NPDC1: variants seen among roughly 807,000 people sequenced by gnomAD.
NPDC1 encodes neural proliferation differentiation and control protein 1.
Under a neutral mutation model 32.5 loss-of-function variants are expected in NPDC1, and 18 were observed. That is an observed-to-expected ratio of 0.55 (90% CI 0.38 to 0.82). The LOEUF (loss-of-function observed/expected upper bound fraction) is 0.82. Among genes scored for constraint, NPDC1 ranks in the 40% least tolerant of loss-of-function variants. The pLI is 0.00. For synonymous variants in NPDC1, 210 were observed against 184.7 expected, an observed-to-expected ratio of 1.14 and a Z score of -1.11; for missense variants, 468 against 406.6, an observed-to-expected ratio of 1.15 and a Z score of -1.30.
rs1234728929 is a variant in NPDC1, at chr9:137,043,363, T to C, written c.113-290A>G. The C allele has an allele frequency of 4.2e-6, 3 of 715,290 alleles. No individual in the cohort carries two copies. The African/African-American group carries it at 5.3e-5, about 13-fold the overall frequency. The allele number at this position is 715,290 out of a possible 1,614,324, so 44.3% of individuals were successfully genotyped here. ...CTGAGTCTCGCCGTCCAGGCAGTGCTGAGTTCTCCTGGGCAGGGCCGTGCA... is the reference window on the plus strand; with the variant it reads ...CTGAGTCTCGCCGTCCAGGCAGTGCCGAGTTCTCCTGGGCAGGGCCGTGCA... On this transcript the variant is annotated intron_variant, in intron 1 of 8. Coordinates refer to ENST00000371601, the MANE Select transcript of NPDC1 (RefSeq NM_015392.4).
chr9:137,045,650 G>C (rs904777239), intron 1 of NPDC1, among the ~76,000 whole-genome samples: 1 of 152,226 alleles, frequency 6.6e-6, no homozygotes, highest in Non-Finnish European at 1.5e-5. Flanking sequence ...TCTGGGAACC[G>C]GCAGAAGCCC....
At chr9:137,043,113 G>A (rs1266137939) in intron 1 of NPDC1, 40 bp from the exon 2 acceptor site, 10 of 1,602,160 alleles carry the variant, frequency 6.2e-6, no homozygotes, top group Admixed American at 5.1e-5. Flanking sequence ...TCACGGCCCC[G>A]CAGGGCTCGG....
Position 137,040,922 on chromosome 9 carries a change from T to A in NPDC1, c.448A>T (p.Thr150Ser). ...GAGGTGTGGGGCGTGGGCGTGGGGG[T>A]TCCTGGAGTGGAGGGGAGGCCCAGC... ...LELGLPSTPG[T>S]PTPTPHTSLG... The change falls in exon 4 of 9, where the codon ACC becomes TCC. Residue 150 changes from threonine to serine, a missense_variant. Coordinates refer to ENST00000371601, the MANE Select transcript of NPDC1 (RefSeq NM_015392.4). 2.6e-6 allele frequency: 4 copies of A among 1,565,550 alleles called. No homozygotes were observed. Among genetic ancestry groups the A allele is most frequent in the Non-Finnish European group, 3.5e-6 (4 of 1,158,912 alleles).
chr9:137,042,290 G>T (rs959383346), intron 2 of NPDC1, among the ~76,000 whole-genome samples: 53 of 151,980 alleles, frequency 3.5e-4, no homozygotes, highest in Non-Finnish European at 4.7e-4. Context: ...GTCTCGCTCT[G>T]CCGCCCAGGC....
intron 2 of NPDC1, 111 bp from the exon 3 acceptor site, chr9:137,041,298 C>G: frequency 1.7e-6 from 2 of 1,166,412 alleles, no homozygotes; most frequent in African/African-American, 1.6e-5. Flanking sequence ...ACTGGGTACA[C>G]GCCTGGAGGC....
intron 1 of NPDC1, among the ~76,000 whole-genome samples, chr9:137,045,460 G>A (rs1832115908): frequency 6.6e-6 from 1 of 152,232 alleles, no homozygotes; most frequent in Admixed American, 6.5e-5. Context: ...GACGCGCACC[G>A]GCAGCGAAGC....
intron 3 of NPDC1, 28 bp from the exon 4 acceptor site, chr9:137,041,012 A>C (rs748291261): frequency 1.3e-6 from 2 of 1,523,778 alleles, no homozygotes; most frequent in Non-Finnish European, 1.8e-6. Context: ...TTAGAATGAG[A>C]GCACTGGGCT....
Position 137,041,065 on chromosome 9 carries a change from G to A in NPDC1, c.382C>T (p.Pro128Ser). The A allele has an allele frequency of 6.6e-7, 1 of 1,521,340 alleles. No individual in the cohort carries two copies. The allele number at this position is 1,521,340 out of a possible 1,614,324, so 94.2% of individuals were successfully genotyped here. The change falls in exon 3 of 9, where the codon CCT becomes TCT. Residue 128 changes from proline (P) to serine (S), a missense_variant. Transcript: ENST00000371601. ...GCAGGGGAAGCGGGGGTCTCACCAG[G>A]CTCCGGGAGCCGCTGTCGGTCCTTG... ...LPKDRQRLPE[P>S]ATLGFSARGQ... is the part of the protein sequence containing the mutation.
At position 137,045,939 on chromosome 9, in the gene NPDC1, C is replaced by G. The variant is rs994213992; in HGVS notation, c.51G>C (p.Arg17=). 3.7e-5 allele frequency: 44 copies of G among 1,186,360 alleles called. No individual in the cohort carries two copies. The African/African-American group carries it at 6.4e-4, about 17-fold the overall frequency. 73.5% of individuals were successfully genotyped at this position (1,186,360 alleles called of 1,614,324 possible). A position where few individuals can be genotyped will look rare whatever the true frequency, so the allele number is the denominator to read the frequency against. The change falls in exon 1 of 9, where the codon CGG becomes CGC. Residue 17 remains arginine, a synonymous_variant. Transcript: ENST00000371601. ...CGAGGACGAGGCCGGAGAGCAGCAG[C>G]CGCAGCAGCCGCAGGTGCCGCGGGG... ...PPSPRHLRLL[R]LLLSGLVLGA... is the part of the protein sequence containing the mutation.
At position 137,042,995 on chromosome 9, in the gene NPDC1, C is replaced by T; in HGVS notation, c.191G>A (p.Gly64Glu). The change falls in exon 2 of 9, where the codon GGG (glycine) becomes GAG (glutamate). Residue 64 changes from glycine to glutamate, a missense_variant. By Grantham distance (98) the Gly-to-Glu change is moderately conservative (BLOSUM62 -2). Transcript: ENST00000371601. ...CTCCTGGAAGGGCTGAAGGCAGGGC[C>T]CACAGGCATGTGCACCAGGAGGACA... ...ARCPPGAHACGPCLQPFQEDQ... is the reference protein window; with the variant it reads ...ARCPPGAHACEPCLQPFQEDQ... 1 of 1,612,860 alleles carries T rather than the reference C, an allele frequency of 6.2e-7. No individual in the cohort carries two copies. Among genetic ancestry groups the T allele is most frequent in the African/African-American group, 1.3e-5 (1 of 75,034 alleles).
chr9:137,040,622 C>T (rs1260164492), intron 5 of NPDC1, 24 bp from the exon 6 acceptor site: 2 of 1,563,292 alleles, frequency 1.3e-6, no homozygotes, highest in Non-Finnish European at 1.7e-6. Flanking sequence ...GGCCTGAGAC[C>T]TCTGAGCGTG....
At chr9:137,041,615 G>A (rs558784924) in intron 2 of NPDC1, among the ~76,000 whole-genome samples, 5 of 152,296 alleles carry the variant, frequency 3.3e-5, no homozygotes, top group African/African-American at 7.2e-5. Flanking sequence ...GGGAGAACGG[G>A]GGCAGCTGTC....
At position 137,042,881 on chromosome 9, in the gene NPDC1, T is replaced by A. The variant is rs767528726; in HGVS notation, c.259+46A>T. 3.9e-6 allele frequency: 6 copies of A among 1,551,704 alleles called. No individual in the cohort carries two copies. In the Admixed American group the frequency reaches 9.8e-5, roughly 25 times the overall value. ...CCGGCCGCTTCTTACAGGGAGAGGT[T>A]CATGCAGGGACATCCCCCCATCGAC... is the stretch of plus-strand genomic sequence containing the variant. On this transcript the variant is annotated intron_variant, in intron 2 of 8. Transcript: ENST00000371601.
intron 1 of NPDC1, chr9:137,043,554 T>C: frequency 1.7e-6 from 1 of 595,468 alleles, no homozygotes; most frequent in East Asian, 2.8e-5. Flanking sequence ...AACCCGGCAC[T>C]GACAAGTGTG....
rs763345129 is a variant in NPDC1 at position 137,039,523 on chromosome 9, C to T, written c.*249G>A. The stretch of plus-strand genomic sequence containing the variant: ...CTCTAGAATTACCCACCCGTTCCTG[C>T]GCTCTACGGTTCTCCATGCCCCCTC... On this transcript the variant is annotated 3_prime_UTR_variant, in exon 9 of 9. Coordinates refer to ENST00000371601, the MANE Select transcript of NPDC1 (RefSeq NM_015392.4). 51 of 476,850 alleles carry T rather than the reference C, an allele frequency of 1.1e-4. No homozygotes were observed. The highest frequency in any genetic ancestry group is 3.2e-4 in the African/African-American group (16 of 50,062). The allele number at this position is 476,850 out of a possible 1,614,324, so 29.5% of individuals were successfully genotyped here. A position where few individuals can be genotyped will look rare whatever the true frequency, so the allele number is the denominator to read the frequency against.
At chr9:137,045,024 A>G (rs1832109914) in intron 1 of NPDC1, among the ~76,000 whole-genome samples, 1 of 152,194 alleles carries the variant, frequency 6.6e-6, no homozygotes, top group Non-Finnish European at 1.5e-5. Flanking sequence ...GGCTCACAGC[A>G]CCTCTTCTGC....
intron 7 of NPDC1, 120 bp downstream of exon 7, chr9:137,040,237 A>G: frequency 2.2e-6 from 2 of 912,930 alleles, no homozygotes; most frequent in Non-Finnish European, 3.3e-6. Flanking sequence ...GGTGAAGGTT[A>G]GCGTGCAGGT....
At chr9:137,039,939 G>A (rs758004192) in intron 8 of NPDC1, 32 bp downstream of exon 8, 2 of 778,766 alleles carry the variant, frequency 2.6e-6, no homozygotes, top group South Asian at 2.7e-5. Context: ...CCAGGAGATG[G>A]TTCGCCCCTC....
In NPDC1 at chr9:137,040,256, C is replaced by T. The variant is rs1023751984; in HGVS notation, c.788+101G>A. 4.6e-6 allele frequency: 5 copies of T among 1,095,502 alleles called. No homozygotes were observed. The South Asian group carries it at 5.9e-5, about 13-fold the overall frequency. 67.9% of individuals were successfully genotyped at this position (1,095,502 alleles called of 1,614,324 possible). A position where few individuals can be genotyped will look rare whatever the true frequency, so the allele number is the denominator to read the frequency against. On this transcript the variant is annotated intron_variant, in intron 7 of 8. Transcript: ENST00000371601. ...AAGGTTAGCGTGCAGGTGAGGGTGG[C>T]AGGGCCTGGGGTAAAGTTGGCCAGG...
Sources: allele counts gnomAD v4.1 joint callset (sites outside exome capture counted in the v4.1 genomes callset), GRCh38; gene constraint gnomAD v4.1.1; transcripts MANE v1.5; gene names NCBI Gene and HGNC (gene_info 2026-07-23, HGNC 2026-07-21).